Variants in TEX9 observed in about 807,000 individuals in gnomAD.
The protein encoded by TEX9 is testis-expressed protein 9.
A neutral mutation model predicts 59.6 loss-of-function variants in TEX9; 74 were observed. The observed-to-expected ratio is 1.24, with a 90% CI of 1.03 to 1.51. TEX9 has a LOEUF of 1.51. TEX9 is among the 40% of genes most tolerant of loss of function. The pLI is 0.00. For missense variants in TEX9, 522 were observed against 447.8 expected, an observed-to-expected ratio of 1.17 and a Z score of -1.49; for synonymous variants, 186 against 152.2, an observed-to-expected ratio of 1.22 and a Z score of -1.64.
At chr15:56,438,826 C>A (rs137994063) in intron 12 of TEX9, among the ~76,000 whole-genome samples, 1 of 152,040 alleles carries the variant, frequency 6.6e-6, no homozygotes, top group Non-Finnish European at 1.5e-5. Flanking sequence ...AAAAAGTGGG[C>A]GAAGGATATG....
chr15:56,455,383 C>T, the TEX9 span, among the ~76,000 whole-genome samples: 4 of 151,586 alleles, frequency 2.6e-5, no homozygotes, highest in African/African-American at 7.3e-5. Context: ...GATCGGTAAT[C>T]TCTTAGAGAA....
intron 1 of TEX9, among the ~76,000 whole-genome samples, chr15:56,354,227 C>T (rs1451446290): frequency 2.0e-5 from 3 of 152,166 alleles, no homozygotes; most frequent in Non-Finnish European, 4.4e-5. Context: ...TTTTGCTCCA[C>T]GTGCTTGCAG....
intron 1 of TEX9, among the ~76,000 whole-genome samples, chr15:56,317,177 C>G (rs376026609): frequency 4.6e-5 from 7 of 152,330 alleles, no homozygotes; most frequent in South Asian, 2.1e-4. Flanking sequence ...GCTCCTCCCC[C>G]CTTGTGGGAA....
chr15:56,360,666 C>T (rs2046773041), upstream of TEX9, among the ~76,000 whole-genome samples: 1 of 152,054 alleles, frequency 6.6e-6, no homozygotes, highest in Non-Finnish European at 1.5e-5. Context: ...CTGCTTCCTC[C>T]TGGGGCAAGC....
chr15:56,383,988 A>G, exon 4 of TEX9: 3 of 1,612,824 alleles, frequency 1.9e-6, no homozygotes, highest in East Asian at 2.2e-5. Context: ...GCCTGTTTCA[A>G]CACAAATGAA....
At chr15:56,442,227 A>C (rs1372584637) in intron 12 of TEX9, among the ~76,000 whole-genome samples, 3 of 152,054 alleles carry the variant, frequency 2.0e-5, no homozygotes, top group East Asian at 1.9e-4. Context: ...GTCACAAAAG[A>C]ATGGATGCTG....
intron 6 of TEX9, 22 bp downstream of exon 6, chr15:56,389,422 A>G (rs747753055): frequency 2.3e-5 from 35 of 1,541,552 alleles, no homozygotes; most frequent in Non-Finnish European, 2.9e-5. Flanking sequence ...TTTTCAAAGT[A>G]TTTCTTTTTT....
chr15:56,244,037 G>A (rs1448638831), exon 1 of TEX9: 3 of 151,086 alleles, frequency 2.0e-5, no homozygotes, highest in African/African-American at 7.3e-5. Flanking sequence ...CTGGGGGCCG[G>A]GAGGAGTCCG....
chr15:56,263,848 T>G (rs1404081686), intron 1 of TEX9, among the ~76,000 whole-genome samples: 1 of 152,178 alleles, frequency 6.6e-6, no homozygotes, highest in East Asian at 1.9e-4. Context: ...GAATTATACA[T>G]CTCAGTTCAT....
At chr15:56,265,410 C>A (rs1029071676) in intron 1 of TEX9, among the ~76,000 whole-genome samples, 2 of 151,862 alleles carry the variant, frequency 1.3e-5, no homozygotes, top group Non-Finnish European at 2.9e-5. Flanking sequence ...TGGCCTCAAG[C>A]GATTTTTCTG....
At chr15:56,412,835 A>G (rs2049430410) in intron 10 of TEX9, among the ~76,000 whole-genome samples, 1 of 152,126 alleles carries the variant, frequency 6.6e-6, no homozygotes, top group South Asian at 2.1e-4. Context: ...GTGGTTCTCA[A>G]ACTTGAGCAT....
chr15:56,442,105 A>T (rs1199955252), intron 12 of TEX9, among the ~76,000 whole-genome samples: 6 of 152,140 alleles, frequency 3.9e-5, no homozygotes, highest in African/African-American at 1.4e-4. Flanking sequence ...AAAATGATAT[A>T]TATGTAGCCA....
chr15:56,258,777 T>C (rs2713931), intron 1 of TEX9, among the ~76,000 whole-genome samples: 54,992 of 151,430 alleles, frequency 0.36, 11,554 homozygotes, highest in Non-Finnish European at 0.47. Context: ...ATAGTCTCTT[T>C]TGTAAAATGC....
At chr15:56,335,679 A>G (rs938893055) in intron 1 of TEX9, among the ~76,000 whole-genome samples, 8 of 152,176 alleles carry the variant, frequency 5.3e-5, no homozygotes, top group Non-Finnish European at 8.8e-5. Flanking sequence ...CGAAGTACAA[A>G]TGTTTGAAAT....
intron 10 of TEX9, among the ~76,000 whole-genome samples, chr15:56,424,611 T>G (rs1455225811): frequency 6.6e-6 from 1 of 152,162 alleles, no homozygotes; most frequent in Non-Finnish European, 1.5e-5. Flanking sequence ...TGATGCAACT[T>G]CAATCGTATA....
chr15:56,421,807 T>C (rs2049989352), intron 10 of TEX9: 1 of 151,750 alleles, frequency 6.6e-6, no homozygotes, highest in Non-Finnish European at 1.5e-5. Context: ...CATCATTTTT[T>C]ATGGCTGCAT....
At chr15:56,429,685 C>G (rs1309891393) in intron 12 of TEX9, 2 of 152,230 alleles carry the variant, frequency 1.3e-5, no homozygotes, top group African/African-American at 4.8e-5. Flanking sequence ...GAATTCTTCA[C>G]TGTTCTATTT....
intron 1 of TEX9, among the ~76,000 whole-genome samples, chr15:56,272,873 C>T (rs959056813): frequency 3.3e-5 from 5 of 151,788 alleles, no homozygotes; most frequent in Admixed American, 1.3e-4. Flanking sequence ...CCTTTATTCT[C>T]TTTCTGTCTT....
chr15:56,389,159 A>G (rs771047377), intron 5 of TEX9, among the ~76,000 whole-genome samples, 159 bp from the exon 6 acceptor site: 4 of 152,052 alleles, frequency 2.6e-5, no homozygotes, highest in Admixed American at 6.6e-5. Flanking sequence ...TTTTCCAGCT[A>G]TACAGTTGTG....
Sources: gnomAD v4.1 joint callset for allele counts (sites outside exome capture counted in the v4.1 genomes callset) on GRCh38, gnomAD v4.1.1 for gene constraint, MANE v1.5 for transcripts, NCBI Gene and HGNC (gene_info 2026-07-23, HGNC 2026-07-21) for gene names.